Variants in NTRK3 observed in about 807,000 individuals in gnomAD.
NTRK3 encodes the protein NT-3 growth factor receptor.
NTRK3 carries 24 observed loss-of-function variants against 91.7 expected under a neutral mutation model. The ratio of observed to expected loss-of-function variants is 0.26; its 90% CI spans 0.19 to 0.37. The LOEUF (loss-of-function observed/expected upper bound fraction) is 0.37, where lower values mean the gene tolerates loss of function less well. Among genes scored for constraint, NTRK3 ranks in the 10% least tolerant of loss-of-function variants. The pLI is 1.00. For synonymous variants in NTRK3, 483 were observed against 404.0 expected, an observed-to-expected ratio of 1.20 and a Z score of -2.34; for missense variants, 880 against 1,068.9, an observed-to-expected ratio of 0.82 and a Z score of 2.46.
chr15:88,072,487 G>A (rs946259097), intron 13 of NTRK3: 5 of 231,564 alleles, frequency 2.2e-5, no homozygotes, highest in Non-Finnish European at 3.4e-5. Context: ...TCTTTCATCA[G>A]GCTGAGGTTG....
At chr15:88,098,457 A>G (rs2049846644) in intron 13 of NTRK3, 1 of 200,328 alleles carries the variant, frequency 5.0e-6, no homozygotes, top group South Asian at 1.9e-4. Flanking sequence ...GAGCTTCAGC[A>G]AGCCTCGCGC....
intron 14 of NTRK3, among the ~76,000 whole-genome samples, chr15:88,025,565 T>G (rs773372750): frequency 2.0e-5 from 3 of 152,184 alleles, no homozygotes; most frequent in Non-Finnish European, 2.9e-5. Context: ...GTTGGAGTGA[T>G]GCAGCTGCAA....
At chr15:87,889,954 A>ATTTC (rs2065766322) in intron 17 of NTRK3, among the ~76,000 whole-genome samples, 1 of 144,112 alleles carries the variant, frequency 6.9e-6, no homozygotes, top group African/African-American at 2.7e-5. Context: ...CCATTTATTT[A>ATTTC]TTTATTTATT....
intron 5 of NTRK3, among the ~76,000 whole-genome samples, chr15:88,175,875 C>T (rs1386978427): frequency 6.6e-6 from 1 of 152,140 alleles, no homozygotes; most frequent in Non-Finnish European, 1.5e-5. Flanking sequence ...TTCAAGAGCA[C>T]ATATTCTCAA....
At chr15:87,900,818 T>TAGAA (rs1393710867) in intron 17 of NTRK3, among the ~76,000 whole-genome samples, 1 of 151,862 alleles carries the variant, frequency 6.6e-6, no homozygotes, top group African/African-American at 2.4e-5. Context: ...GGCTCACCCC[T>TAGAA]GGCCTTCTGT....
intron 13 of NTRK3, among the ~76,000 whole-genome samples, chr15:88,049,819 T>G (rs545099828): frequency 6.6e-6 from 1 of 152,330 alleles, no homozygotes; most frequent in Non-Finnish European, 1.5e-5. Flanking sequence ...CTTGAAGTGT[T>G]AGAAGTTTCT....
chr15:88,047,845 A>G (rs1279115789), intron 13 of NTRK3, among the ~76,000 whole-genome samples: 2 of 152,178 alleles, frequency 1.3e-5, no homozygotes, highest in African/African-American at 4.8e-5. Context: ...ATAAAAAGTA[A>G]CTTAGGCCTC....
chr15:88,203,536 C>A (rs1048047018), intron 3 of NTRK3, among the ~76,000 whole-genome samples: 1 of 152,144 alleles, frequency 6.6e-6, no homozygotes, highest in Non-Finnish European at 1.5e-5. Flanking sequence ...AGAGGTTGAG[C>A]GACCTTCTCA....
chr15:87,994,369 C>T (rs139465074), intron 14 of NTRK3, among the ~76,000 whole-genome samples: 183 of 152,288 alleles, frequency 1.2e-3, no homozygotes, highest in African/African-American at 4.2e-3. Flanking sequence ...AATATTACTA[C>T]GTCCTTATAC....
intron 17 of NTRK3, among the ~76,000 whole-genome samples, chr15:87,915,599 C>T (rs1435694083): frequency 6.6e-6 from 1 of 152,048 alleles, no homozygotes; most frequent in African/African-American, 2.4e-5. Context: ...TTTAAATTTC[C>T]CTAAATTCTC....
chr15:88,039,357 AAT>A (rs2079389695), intron 13 of NTRK3, among the ~76,000 whole-genome samples: 1 of 152,212 alleles, frequency 6.6e-6, no homozygotes, highest in Non-Finnish European at 1.5e-5. Context: ...ACAGACTCTC[AAT>A]ATCATATTAT....
chr15:87,890,766 C>A (rs2065815280), intron 17 of NTRK3, among the ~76,000 whole-genome samples: 1 of 152,146 alleles, frequency 6.6e-6, no homozygotes, highest in Admixed American at 6.5e-5. Flanking sequence ...ATACTCTAGG[C>A]TCATCTTGTA....
At chr15:88,217,712 T>C (rs148766575) in intron 3 of NTRK3, among the ~76,000 whole-genome samples, 89 of 152,294 alleles carry the variant, frequency 5.8e-4, no homozygotes, top group African/African-American at 2.0e-3. Flanking sequence ...TGCTGAGCTG[T>C]ACACTTAAAA....
chr15:88,116,864 G>C (rs923914846), intron 13 of NTRK3, among the ~76,000 whole-genome samples: 7 of 152,224 alleles, frequency 4.6e-5, no homozygotes, highest in African/African-American at 1.7e-4. Flanking sequence ...GAAATTGCTT[G>C]TACCCCAATC....
intron 13 of NTRK3, among the ~76,000 whole-genome samples, chr15:88,071,501 A>G (rs1597129954): frequency 6.6e-6 from 1 of 152,362 alleles, no homozygotes; most frequent in African/African-American, 2.4e-5. Flanking sequence ...TTATCTCTGA[A>G]CAGCTACATC....
chr15:88,196,429 A>G (rs2047828333), intron 3 of NTRK3, among the ~76,000 whole-genome samples: 1 of 152,186 alleles, frequency 6.6e-6, no homozygotes, highest in Non-Finnish European at 1.5e-5. Flanking sequence ...GGGGCTGCAG[A>G]AGAATGTGGA....
At chr15:87,993,996 G>A (rs1382839494) in intron 14 of NTRK3, among the ~76,000 whole-genome samples, 1 of 152,140 alleles carries the variant, frequency 6.6e-6, no homozygotes, top group Non-Finnish European at 1.5e-5. Context: ...AGAGAGCATG[G>A]GAAGTTTAGT....
intron 3 of NTRK3, among the ~76,000 whole-genome samples, chr15:88,213,740 A>G (rs2049469632): frequency 1.3e-5 from 2 of 152,196 alleles, no homozygotes; most frequent in Admixed American, 1.3e-4. Flanking sequence ...ACCGAGGCAC[A>G]GAGGAGTCAA....
In NTRK3 at chr15:88,111,374, A is replaced by AAGGGCC. The variant is rs1346269341; in HGVS notation, c.1396+14891_1396+14896dup. On this transcript the variant is annotated intron_variant, in intron 13 of 18. Coordinates refer to ENST00000394480, the Ensembl canonical transcript of NTRK3. ...CAGAAAGGGGTGGGAGAGTGGATTAAAGGGCCAGGACCAGGGCCAAAAAAG... is the reference window on the plus strand; with the variant it reads ...CAGAAAGGGGTGGGAGAGTGGATTAAAGGGCCAGGGCCAGGACCAGGGCCAAAAAAG... Among the ~76,000 whole-genome samples, 8 of 152,236 alleles carry AAGGGCC rather than the reference A, an allele frequency of 5.3e-5. No homozygotes were observed. The South Asian group carries it at 6.2e-4, about 12-fold the overall frequency.
Sources: gnomAD v4.1 joint callset for allele counts (sites outside exome capture counted in the v4.1 genomes callset) on GRCh38, gnomAD v4.1.1 for gene constraint, MANE v1.5 for transcripts, NCBI Gene and HGNC (gene_info 2026-07-23, HGNC 2026-07-21) for gene names.